The following TNFRSF1B variants were observed in gnomAD, a reference collection of about 807,000 sequenced individuals.
TNFRSF1B encodes the protein TNF receptor superfamily member 1B.
In TNFRSF1B, 19 loss-of-function variants were observed where a neutral mutation model predicts 44.6. That is an observed-to-expected ratio of 0.43 (90% CI 0.30 to 0.62). The LOEUF is 0.62. Among genes scored for constraint, TNFRSF1B ranks in the 20% least tolerant of loss-of-function variants. The pLI is 0.16. For synonymous variants in TNFRSF1B, 252 were observed against 261.1 expected, an observed-to-expected ratio of 0.97 and a Z score of 0.34; for missense variants, 541 against 619.9, an observed-to-expected ratio of 0.87 and a Z score of 1.35.
At chr1:12,174,163 TCTCCTTCTC>T (rs1557623688) in intron 1 of TNFRSF1B, among the ~76,000 whole-genome samples, 28 of 62,684 alleles carry the variant, frequency 4.5e-4, no homozygotes, top group South Asian at 2.6e-3. Flanking sequence ...TTCTTCTTCT[TCTCCTTCTC>T]CTTCTCCTTC....
At position 12,191,888 on chromosome 1, in the gene TNFRSF1B, G is replaced by C; in HGVS notation, c.422G>C (p.Arg141Pro). 2 of 1,610,154 alleles carry C rather than the reference G, an allele frequency of 1.2e-6. No individual in the cohort carries two copies. Among genetic ancestry groups the C allele is most frequent in the African/African-American group, 1.3e-5 (1 of 74,960 alleles). The change falls in exon 4 of 10, where the codon CGC (arginine) becomes CCC (proline). Residue 141 changes from arginine (R) to proline (P), a missense_variant. Transcript: ENST00000376259. ...GGGTGCCGGCTGTGCGCGCCGCTGC[G>C]CAAGTGCCGCCCGGGCTTCGGCGTG... is the stretch of plus-strand genomic sequence containing the variant. Reference protein sequence around the residue: ...QEGCRLCAPLRKCRPGFGVAR... With the variant: ...QEGCRLCAPLPKCRPGFGVAR...
intron 1 of TNFRSF1B, among the ~76,000 whole-genome samples, chr1:12,185,691 G>T (rs889010949): frequency 2.0e-5 from 3 of 152,230 alleles, no homozygotes; most frequent in African/African-American, 7.2e-5. Flanking sequence ...GCAGGCCAGG[G>T]TGGAAAGTGC....
chr1:12,185,603 A>G (rs897067334), intron 1 of TNFRSF1B, among the ~76,000 whole-genome samples: 3 of 152,078 alleles, frequency 2.0e-5, no homozygotes, highest in Non-Finnish European at 2.9e-5. Context: ...ACTTCTTCAG[A>G]CCCTGTTATG....
intron 8 of TNFRSF1B, among the ~76,000 whole-genome samples, chr1:12,200,377 G>A (rs558956643): frequency 6.6e-6 from 1 of 151,912 alleles, no homozygotes; most frequent in Non-Finnish European, 1.5e-5. Flanking sequence ...AGACGTGAGC[G>A]CTCTCTGCCC....
rs185947453 is a variant in TNFRSF1B at position 12,201,827 on chromosome 1, C to T, written c.901-140C>T. 3.5e-3 allele frequency: 4,241 copies of T among 1,222,348 alleles called. 10 individuals carry two copies. Among genetic ancestry groups the T allele is most frequent in the Non-Finnish European group, 4.3e-3 (3,910 of 900,776 alleles). The allele number at this position is 1,222,348 out of a possible 1,614,324, so 75.7% of individuals were successfully genotyped here. A position where few individuals can be genotyped will look rare whatever the true frequency, so the allele number is the denominator to read the frequency against. On this transcript the variant is annotated intron_variant, in intron 8 of 9. Transcript: ENST00000376259. ...CAAAAAGTGCCGTGTGTGGAAAGAACGTGCAAGGGTGGGCAGAAACGTCAC... is the reference window on the plus strand; with the variant it reads ...CAAAAAGTGCCGTGTGTGGAAAGAATGTGCAAGGGTGGGCAGAAACGTCAC...
At chr1:12,193,151 G>C (rs1254088467) in intron 6 of TNFRSF1B, 53 bp downstream of exon 6, 1 of 1,480,684 alleles carries the variant, frequency 6.8e-7, no homozygotes, top group Non-Finnish European at 9.3e-7. Context: ...CTGTCTTTCT[G>C]TCTCTCTTTC....
rs61582400 is a variant in TNFRSF1B, at chr1:12,170,248, G to C, written c.78+3079G>C. Among the ~76,000 whole-genome samples the C allele has an allele frequency of 6.5e-3, 988 of 152,242 alleles. 11 individuals carry two copies. The highest frequency in any genetic ancestry group is 0.022 in the African/African-American group (929 of 41,530). ...CAAGCCCAGCCCAGTGCCTGGCTCT[G>C]GGGACCTCAAGATGACTCCAGCTCC... On this transcript the variant is annotated intron_variant, in intron 1 of 9. Transcript: ENST00000376259.
At chr1:12,203,806 C>T (rs955739582) in intron 9 of TNFRSF1B, among the ~76,000 whole-genome samples, 11 of 152,282 alleles carry the variant, frequency 7.2e-5, no homozygotes, top group Admixed American at 5.9e-4. Context: ...ATCTGCTCAC[C>T]GCAGCCTCCG....
At chr1:12,181,782 C>G (rs985625705) in intron 1 of TNFRSF1B, among the ~76,000 whole-genome samples, 6 of 152,314 alleles carry the variant, frequency 3.9e-5, no homozygotes, top group Admixed American at 3.9e-4. Context: ...CTCCAGAGGC[C>G]CAGGACCAGC....
rs1178196689 is a variant in TNFRSF1B, at chr1:12,193,089, C to T, written c.778C>T (p.Leu260Phe). 2 of 1,613,330 alleles carry T rather than the reference C, an allele frequency of 1.2e-6. No individual in the cohort carries two copies. The highest frequency in any genetic ancestry group is 1.3e-5 in the African/African-American group (1 of 75,056). The change falls in exon 6 of 10, where the codon CTT (leucine) becomes TTT (phenylalanine). Residue 260 changes from leucine to phenylalanine, a missense_variant. Coordinates refer to ENST00000376259, the MANE Select transcript of TNFRSF1B (RefSeq NM_001066.3). ...PAEGSTGDFA[L>F]PVGLIVGVTA... is the part of the protein sequence containing the mutation. ...TGAAGGGAGCACTGGCGACTTCGCT[C>T]TTCCAGTTGGTAAGTCGCAAGAAGT...
intron 3 of TNFRSF1B, 146 bp from the exon 4 acceptor site, chr1:12,191,628 T>G: frequency 2.1e-6 from 2 of 941,428 alleles, no homozygotes; most frequent in Non-Finnish European, 3.3e-6. Flanking sequence ...GCCCCTGGAC[T>G]CTGGCCGGTG....
intron 8 of TNFRSF1B, among the ~76,000 whole-genome samples, chr1:12,201,714 C>T (rs1639393181): frequency 6.6e-6 from 1 of 152,088 alleles, no homozygotes; most frequent in African/African-American, 2.4e-5. Context: ...TGAACAGGGC[C>T]AGGTATTCTC....
At chr1:12,203,449 A>G (rs1639435772) in intron 9 of TNFRSF1B, among the ~76,000 whole-genome samples, 2 of 151,594 alleles carry the variant, frequency 1.3e-5, no homozygotes, top group South Asian at 4.2e-4. Context: ...TCTTGCCTGC[A>G]CTCATGCCAC....
chr1:12,191,676 C>G, intron 3 of TNFRSF1B, 98 bp from the exon 4 acceptor site: 2 of 1,527,676 alleles, frequency 1.3e-6, no homozygotes, highest in South Asian at 2.3e-5. Flanking sequence ...CGCCAGCCTC[C>G]TGGAGATCCG....
At position 12,177,718 on chromosome 1, in the gene TNFRSF1B, T is replaced by A. The variant is rs1638693040; in HGVS notation, c.78+10549T>A. Among the ~76,000 whole-genome samples, 1 of 149,554 alleles carries A rather than the reference T, an allele frequency of 6.7e-6. No individual in the cohort carries two copies. Among genetic ancestry groups the A allele is most frequent in the Non-Finnish European group, 1.5e-5 (1 of 67,592 alleles). On this transcript the variant is annotated intron_variant, in intron 1 of 9. Coordinates refer to ENST00000376259, the MANE Select transcript of TNFRSF1B (RefSeq NM_001066.3). This position sits in a 1 kb window ranked among gnomAD's most constrained non-coding sequence, Gnocchi z 4.3. The stretch of plus-strand genomic sequence containing the variant: ...CTGAGGCAGGAGAATCGCTTGAACC[T>A]GGGAGGCGGAGTTTGCAGTGAACCG...
At position 12,167,525 on chromosome 1, in the gene TNFRSF1B, C is replaced by T. The variant is rs1178955365; in HGVS notation, c.78+356C>T. 3 of 411,574 alleles carry T rather than the reference C, an allele frequency of 7.3e-6. No individual in the cohort carries two copies. In the Admixed American group the frequency reaches 1.1e-4, roughly 14 times the overall value. 25.5% of individuals were successfully genotyped at this position (411,574 alleles called of 1,614,324 possible). On this transcript the variant is annotated intron_variant, in intron 1 of 9. Coordinates refer to ENST00000376259, the MANE Select transcript of TNFRSF1B (RefSeq NM_001066.3). ...TAGACCCGGGACCCCTCTTCCCTCACCCCGGCGACTGCCGCGACAGCCCTT... is the reference window on the plus strand; with the variant it reads ...TAGACCCGGGACCCCTCTTCCCTCATCCCGGCGACTGCCGCGACAGCCCTT...
At position 12,175,617 on chromosome 1, in the gene TNFRSF1B, C is replaced by T. The variant is rs374617860; in HGVS notation, c.78+8448C>T. On this transcript the variant is annotated intron_variant, in intron 1 of 9. Coordinates refer to ENST00000376259, the MANE Select transcript of TNFRSF1B (RefSeq NM_001066.3). ...TCACCAGCAGCTCCTGCTGTCATTTCCTGAGCCTCGCAAGCCCCTAATCCT... is the reference window on the plus strand; with the variant it reads ...TCACCAGCAGCTCCTGCTGTCATTTTCTGAGCCTCGCAAGCCCCTAATCCT... Among the ~76,000 whole-genome samples, 93 of 152,274 alleles carry T rather than the reference C, an allele frequency of 6.1e-4. 1 individual carries two copies. The highest frequency in any genetic ancestry group is 5.2e-3 in the South Asian group (25 of 4,816).
Position 12,184,498 on chromosome 1 carries a change from C to A in TNFRSF1B, c.79-4298C>A, listed in dbSNP as rs549090389. On this transcript the variant is annotated intron_variant, in intron 1 of 9. Coordinates refer to ENST00000376259, the MANE Select transcript of TNFRSF1B (RefSeq NM_001066.3). The stretch of plus-strand genomic sequence containing the variant: ...GGCTACCGGGGGGGCTGGAGCCACA[C>A]AGAGCCAGGGAGGAAGTCCAGGGAC... Among the ~76,000 whole-genome samples the A allele has an allele frequency of 1.5e-4, 23 of 152,280 alleles. 2 individuals are homozygous for A. The highest frequency in any genetic ancestry group is 3.9e-4 in the Admixed American group (6 of 15,302).
intron 1 of TNFRSF1B, among the ~76,000 whole-genome samples, chr1:12,172,907 C>T (rs765822519): frequency 2.8e-4 from 43 of 152,304 alleles, no homozygotes; most frequent in Middle Eastern, 3.4e-3. Context: ...AAGATGGGCA[C>T]GGGAAGATTC....
Sources: allele counts gnomAD v4.1 joint callset (sites outside exome capture counted in the v4.1 genomes callset), GRCh38; gene constraint gnomAD v4.1.1; non-coding constraint Gnocchi (gnomAD v3.1); transcripts MANE v1.5; gene names NCBI Gene and HGNC (gene_info 2026-07-23, HGNC 2026-07-21).